Variants in KCNH7 observed in about 807,000 individuals in gnomAD.
KCNH7 encodes the protein voltage-gated inwardly rectifying potassium channel KCNH7.
KCNH7 carries 49 observed loss-of-function variants against 120.8 expected under a neutral mutation model. That is an observed-to-expected ratio of 0.41 (90% CI 0.32 to 0.51). KCNH7 has a LOEUF of 0.51. Among genes scored for constraint, KCNH7 ranks in the 20% least tolerant of loss-of-function variants. KCNH7 has a pLI of 0.38. For missense variants in KCNH7, 1,097 were observed against 1,446.6 expected (o/e 0.76, Z 3.92); for synonymous variants, 547 against 516.1 (o/e 1.06, Z -0.81).
At chr2:162,408,483 T>G (rs921783838) in intron 9 of KCNH7, among the ~76,000 whole-genome samples, 2 of 152,018 alleles carry the variant, frequency 1.3e-5, no homozygotes, top group African/African-American at 4.8e-5. Context: ...TACCAATGTA[T>G]CTACATACAT....
chr2:162,396,310 A>T (rs1445730102), intron 11 of KCNH7, among the ~76,000 whole-genome samples: 1 of 151,806 alleles, frequency 6.6e-6, no homozygotes, highest in Non-Finnish European at 1.5e-5. Context: ...AATGAGGTTA[A>T]TTTTTTCATT....
At chr2:162,752,932 A>G (rs1559116194) in intron 2 of KCNH7, among the ~76,000 whole-genome samples, 2 of 87,192 alleles carry the variant, frequency 2.3e-5, no homozygotes, top group African/African-American at 7.3e-5. Context: ...AGAAAAGAAA[A>G]GAAAAGAAAA....
chr2:162,518,860 T>C (rs985938693), intron 3 of KCNH7, among the ~76,000 whole-genome samples: 5 of 150,654 alleles, frequency 3.3e-5, no homozygotes, highest in African/African-American at 1.2e-4. Flanking sequence ...TATAATGTTA[T>C]GTATATCTCA....
chr2:162,527,771 A>C (rs1691764183), intron 3 of KCNH7, among the ~76,000 whole-genome samples: 1 of 151,992 alleles, frequency 6.6e-6, no homozygotes, highest in Non-Finnish European at 1.5e-5. Flanking sequence ...ATATCCTTTA[A>C]TCCTTAATAA....
intron 2 of KCNH7, among the ~76,000 whole-genome samples, chr2:162,748,967 C>CTTCCTTCCTTCCTTCG (rs1688445606): frequency 7.2e-6 from 1 of 138,094 alleles, no homozygotes; most frequent in African/African-American, 2.7e-5. Flanking sequence ...TCCTTCCTTC[C>CTTCCTTCCTTCCTTCG]TTCCTTCCTT....
intron 2 of KCNH7, among the ~76,000 whole-genome samples, chr2:162,772,526 T>C (rs1308049533): frequency 6.6e-6 from 1 of 152,172 alleles, no homozygotes; most frequent in Non-Finnish European, 1.5e-5. Context: ...CCTGTTGGAG[T>C]ATTTATTGAA....
In KCNH7 at chr2:162,767,526, A is replaced by G. The variant is rs576719182; in HGVS notation, c.307+69011T>C. Among the ~76,000 whole-genome samples, 4 of 152,134 alleles carry G rather than the reference A, an allele frequency of 2.6e-5. No homozygotes were observed. In the South Asian group the frequency reaches 8.3e-4, roughly 32 times the overall value. The stretch of plus-strand genomic sequence containing the variant: ...ATTGGAGTTTCATTGTTTATATTTA[A>G]CTCATCTATTTGGAATTAATTATGA... On this transcript the variant is annotated intron_variant, in intron 2 of 15. Transcript: ENST00000332142.
intron 1 of KCNH7, among the ~76,000 whole-genome samples, chr2:162,837,169 T>C (rs1316495817): frequency 2.0e-5 from 3 of 152,228 alleles, no homozygotes; most frequent in Non-Finnish European, 2.9e-5. Flanking sequence ...TTGTCAGATT[T>C]CTCATTTCAA....
chr2:162,422,224 T>C (rs1345622406), intron 9 of KCNH7, among the ~76,000 whole-genome samples: 1 of 152,172 alleles, frequency 6.6e-6, no homozygotes, highest in African/African-American at 2.4e-5. Context: ...TATCCATATA[T>C]AAATATTACT....
chr2:162,615,423 T>C (rs935209509), intron 2 of KCNH7, among the ~76,000 whole-genome samples: 6 of 152,220 alleles, frequency 3.9e-5, no homozygotes, highest in African/African-American at 1.4e-4. Context: ...ATTAAAAATA[T>C]ATTGGTCAAG....
intron 2 of KCNH7, among the ~76,000 whole-genome samples, chr2:162,707,986 A>G (rs1186892791): frequency 6.6e-6 from 1 of 151,302 alleles, no homozygotes; most frequent in Non-Finnish European, 1.5e-5. Context: ...TTAAAATTAT[A>G]ACCTCCCCAT....
chr2:162,688,009 C>A (rs1685957587), intron 2 of KCNH7, among the ~76,000 whole-genome samples: 1 of 151,930 alleles, frequency 6.6e-6, no homozygotes, highest in South Asian at 2.1e-4. Flanking sequence ...ATATGTAGGA[C>A]CAATATTAAA....
chr2:162,634,198 T>C (rs1457230945), intron 2 of KCNH7, among the ~76,000 whole-genome samples: 1 of 152,084 alleles, frequency 6.6e-6, no homozygotes, highest in African/African-American at 2.4e-5. Flanking sequence ...TTTTATATCA[T>C]TTAAATTCAA....
intron 6 of KCNH7, among the ~76,000 whole-genome samples, chr2:162,470,555 C>A (rs1458723440): frequency 2.0e-5 from 3 of 152,064 alleles, no homozygotes; most frequent in African/African-American, 7.2e-5. Context: ...GCCCGGCAGC[C>A]ACCCCGTCCG....
intron 3 of KCNH7, among the ~76,000 whole-genome samples, chr2:162,526,481 C>T (rs183859670): frequency 6.6e-6 from 1 of 151,380 alleles, no homozygotes; most frequent in Admixed American, 6.6e-5. Flanking sequence ...CCATAAAAGA[C>T]GCCGCCCCCC....
chr2:162,491,614 C>T (rs977565988), intron 6 of KCNH7, among the ~76,000 whole-genome samples: 40 of 152,280 alleles, frequency 2.6e-4, no homozygotes, highest in African/African-American at 9.4e-4. Context: ...GGATAATTCC[C>T]ACCCATTAGG....
At chr2:162,821,043 C>G (rs932289405) in intron 2 of KCNH7, among the ~76,000 whole-genome samples, 88 of 152,152 alleles carry the variant, frequency 5.8e-4, no homozygotes, top group Non-Finnish European at 1.0e-4. Flanking sequence ...ACACACAATA[C>G]AAGGCTAATT....
At chr2:162,424,679 C>G (rs996180255) in intron 8 of KCNH7, among the ~76,000 whole-genome samples, 8 of 152,164 alleles carry the variant, frequency 5.3e-5, no homozygotes. Flanking sequence ...CAGATTCTGG[C>G]CATGTTTTAA....
intron 2 of KCNH7, 131 bp from the exon 3 acceptor site, chr2:162,537,211 G>A (rs1692139278): frequency 4.5e-6 from 3 of 665,532 alleles, no homozygotes; most frequent in Non-Finnish European, 7.1e-6. Context: ...AAAATAATTT[G>A]ATCTTTTTTA....
Sources: gnomAD v4.1 joint callset for allele counts (sites outside exome capture counted in the v4.1 genomes callset) on GRCh38, gnomAD v4.1.1 for gene constraint, MANE v1.5 for transcripts, NCBI Gene and HGNC (gene_info 2026-07-23, HGNC 2026-07-21) for gene names.